Variants in GALNT13 observed in about 807,000 individuals in gnomAD.
The protein encoded by GALNT13 is polypeptide N-acetylgalactosaminyltransferase 13, also known as UDP-GalNAc:polypeptide N-acetylgalactosaminyltransferase 13.
Under a neutral mutation model 64.2 loss-of-function variants are expected in GALNT13, and 28 were observed. The observed-to-expected ratio is 0.44, with a 90% CI of 0.32 to 0.60. The LOEUF is 0.60. Ranked by LOEUF, GALNT13 falls within the 20% of genes least tolerant of loss-of-function variation. The pLI is 0.05. For synonymous variants in GALNT13, 214 were observed against 224.6 expected (o/e 0.95, Z 0.42); for missense variants, 577 against 669.8 (o/e 0.86, Z 1.53).
chr2:153,502,525 T>C, the GALNT13 span, among the ~76,000 whole-genome samples: 1 of 152,262 alleles, frequency 6.6e-6, no homozygotes, highest in Non-Finnish European at 1.5e-5. Context: ...ATTTTTGCAA[T>C]TGCAAATTGT....
At chr2:153,254,312 A>G in the GALNT13 span, among the ~76,000 whole-genome samples, 1 of 136,564 alleles carries the variant, frequency 7.3e-6, no homozygotes, top group Non-Finnish European at 1.6e-5. Flanking sequence ...ATCGGTGGTG[A>G]TATCCCCTTT....
At chr2:153,119,760 C>G in the GALNT13 span, among the ~76,000 whole-genome samples, 1 of 152,154 alleles carries the variant, frequency 6.6e-6, no homozygotes, top group African/African-American at 2.4e-5. Context: ...CCCTAGCTGT[C>G]TTGCTCCTTG....
chr2:153,694,845 T>G, the GALNT13 span, among the ~76,000 whole-genome samples: 1 of 152,178 alleles, frequency 6.6e-6, no homozygotes, highest in Non-Finnish European at 1.5e-5. Flanking sequence ...AGTTTTAAAA[T>G]GTATGTTTTA....
chr2:153,601,449 T>C, the GALNT13 span, among the ~76,000 whole-genome samples: 2 of 151,770 alleles, frequency 1.3e-5, no homozygotes, highest in African/African-American at 2.4e-5. Context: ...ATGATAATAT[T>C]TTTCCTTGAG....
chr2:153,908,948 A>G (rs1468360910), intron 2 of GALNT13, among the ~76,000 whole-genome samples: 1 of 152,094 alleles, frequency 6.6e-6, no homozygotes, highest in African/African-American at 2.4e-5. Flanking sequence ...TTATAGTTTG[A>G]TAGGGATAGC....
At chr2:154,229,355 T>A (rs1210649089) in intron 4 of GALNT13, among the ~76,000 whole-genome samples, 5 of 151,178 alleles carry the variant, frequency 3.3e-5, no homozygotes, top group Admixed American at 6.6e-5. Context: ...GTATGTAATT[T>A]TATATATATA....
the GALNT13 span, among the ~76,000 whole-genome samples, chr2:153,308,623 G>T: frequency 2.0e-5 from 3 of 152,162 alleles, no homozygotes; most frequent in Non-Finnish European, 2.9e-5. Flanking sequence ...TAGAGTTCTT[G>T]TTCTAAATTC....
At position 154,329,086 on chromosome 2, in the gene GALNT13, GT is replaced by G. The variant is rs527394428; in HGVS notation, c.1156+27500del. Among the ~76,000 whole-genome samples the G allele has an allele frequency of 2.8e-4, 42 of 152,092 alleles. 1 individual carries two copies. The South Asian group carries it at 8.7e-3, about 32-fold the overall frequency. ...TAGATGTTGAAAGTGTTTTTACCCA[GT>G]TTGTGGTTTGCAATTTGGTTCCTTT... On this transcript the variant is annotated intron_variant, in intron 9 of 12. Transcript: ENST00000392825.
At chr2:154,445,943 T>A in intron 12 of GALNT13, 1 of 546,860 alleles carries the variant, frequency 1.8e-6, no homozygotes, top group Non-Finnish European at 3.1e-6. Flanking sequence ...TAATTAAAAT[T>A]GTTTGGAGAA....
intron 3 of GALNT13, among the ~76,000 whole-genome samples, chr2:154,105,538 T>C (rs543087733): frequency 6.6e-6 from 1 of 152,310 alleles, no homozygotes; most frequent in East Asian, 1.9e-4. Flanking sequence ...TGTGTAGTAG[T>C]CTATCCCACC....
chr2:153,440,771 A>T, the GALNT13 span, among the ~76,000 whole-genome samples: 1 of 151,880 alleles, frequency 6.6e-6, no homozygotes, highest in Admixed American at 6.6e-5. Flanking sequence ...GTCTGTTCAT[A>T]TCCTTTGCCC....
chr2:154,248,271 A>G lies in GALNT13; in HGVS notation c.857+2289A>G, dbSNP rs184800920. Among the ~76,000 whole-genome samples the G allele has an allele frequency of 2.8e-3, 430 of 152,030 alleles. 4 individuals are homozygous for G. Among genetic ancestry groups the G allele is most frequent in the African/African-American group, 0.01 (426 of 41,538 alleles). On this transcript the variant is annotated intron_variant, in intron 7 of 12. Coordinates refer to ENST00000392825, the MANE Select transcript of GALNT13 (RefSeq NM_052917.4). ...TACTACATCTAAAGTAAAGCTTAAC[A>G]TGGTCATTCTTATTTTTCTGGGCTT... is the stretch of plus-strand genomic sequence containing the variant.
the GALNT13 span, among the ~76,000 whole-genome samples, chr2:153,541,255 C>G: frequency 6.6e-6 from 1 of 152,118 alleles, no homozygotes; most frequent in African/African-American, 2.4e-5. Flanking sequence ...CTCCTTCCTG[C>G]CACCATGTGA....
intron 10 of GALNT13, among the ~76,000 whole-genome samples, chr2:154,403,950 C>T (rs1481395587): frequency 1.3e-5 from 2 of 152,104 alleles, no homozygotes; most frequent in Admixed American, 6.6e-5. Context: ...GTTTGTAAAA[C>T]GGGAGTAATA....
At chr2:154,078,176 CTTA>C (rs1280268678) in intron 3 of GALNT13, among the ~76,000 whole-genome samples, 2 of 151,370 alleles carry the variant, frequency 1.3e-5, no homozygotes, top group African/African-American at 4.8e-5. Flanking sequence ...TATATTTTAA[CTTA>C]TTGACTACCA....
intron 9 of GALNT13, among the ~76,000 whole-genome samples, chr2:154,383,525 A>G (rs367769853): frequency 2.0e-5 from 3 of 151,994 alleles, no homozygotes; most frequent in East Asian, 3.9e-4. Flanking sequence ...TCCTTGAGTT[A>G]CTAAATTGTA....
intron 9 of GALNT13, among the ~76,000 whole-genome samples, chr2:154,366,290 G>C (rs1697357130): frequency 6.6e-6 from 1 of 152,032 alleles, no homozygotes; most frequent in African/African-American, 2.4e-5. Context: ...TTCTATCTTT[G>C]TCTAAAATAT....
the GALNT13 span, among the ~76,000 whole-genome samples, chr2:153,307,218 G>A: frequency 7.2e-5 from 11 of 152,196 alleles, no homozygotes; most frequent in African/African-American, 2.6e-4. Flanking sequence ...TTATGAAAAT[G>A]GTTCATCACA....
chr2:153,312,485 T>C, the GALNT13 span, among the ~76,000 whole-genome samples: 1 of 152,202 alleles, frequency 6.6e-6, no homozygotes, highest in African/African-American at 2.4e-5. Context: ...AAAAAACATT[T>C]CAGAGGCTGA....
Sources: allele counts gnomAD v4.1 joint callset (sites outside exome capture counted in the v4.1 genomes callset), GRCh38; gene constraint gnomAD v4.1.1; transcripts MANE v1.5; gene names NCBI Gene and HGNC (gene_info 2026-07-23, HGNC 2026-07-21).